Variants in CCDC34 observed in about 807,000 individuals in gnomAD.
CCDC34 encodes coiled-coil domain containing 34, also known as coiled-coil domain-containing protein 34.
CCDC34 carries 40 observed loss-of-function variants against 44.1 expected under a neutral mutation model. That is an observed-to-expected ratio of 0.91 (90% confidence interval 0.70 to 1.18). The LOEUF is 1.18. Among genes scored for constraint, CCDC34 ranks in the 50% most tolerant of loss-of-function variants. CCDC34 has a pLI of 0.00. For synonymous variants in CCDC34, 159 were observed against 158.2 expected, an observed-to-expected ratio of 1.01 and a Z score of -0.04; for missense variants, 466 against 452.3, an observed-to-expected ratio of 1.03 and a Z score of -0.28.
intron 3 of CCDC34, among the ~76,000 whole-genome samples, chr11:27,344,183 T>A (rs929822069): frequency 6.6e-6 from 1 of 152,074 alleles, no homozygotes; most frequent in Non-Finnish European, 1.5e-5. Flanking sequence ...CTTAAAAAAA[T>A]GATTTTAGAA....
intron 1 of CCDC34, among the ~76,000 whole-genome samples, chr11:27,358,206 TGTCA>T (rs1384647322): frequency 6.6e-6 from 1 of 152,158 alleles, no homozygotes; most frequent in Non-Finnish European, 1.5e-5. Flanking sequence ...CATGCACCTC[TGTCA>T]GTCTGTCTCT....
intron 2 of CCDC34, among the ~76,000 whole-genome samples, chr11:27,352,657 A>G (rs1042188049): frequency 1.3e-5 from 2 of 152,194 alleles, no homozygotes; most frequent in Non-Finnish European, 2.9e-5. Context: ...AACTAAAGAC[A>G]TGATTGACTA....
chr11:27,342,332 T>C (rs78793864), intron 3 of CCDC34, among the ~76,000 whole-genome samples: 2 of 140,256 alleles, frequency 1.4e-5, no homozygotes, highest in South Asian at 2.2e-4. Flanking sequence ...CACACACACA[T>C]TTATATATAA....
In CCDC34 at chr11:27,350,372, T is replaced by C; in HGVS notation, c.566A>G (p.Glu189Gly). 1 of 1,613,710 alleles carries C rather than the reference T, an allele frequency of 6.2e-7. No individual in the cohort carries two copies. The highest frequency in any genetic ancestry group is 8.5e-7 in the Non-Finnish European group (1 of 1,179,854). Residue 189 changes from glutamate (E) to glycine (G), a missense_variant, in exon 3 of 6, where the codon GAA becomes GGA. By Grantham distance (98) the Glu-to-Gly change is moderately conservative. Coordinates refer to ENST00000328697, the MANE Select transcript of CCDC34 (RefSeq NM_030771.2). The part of the protein sequence containing the change: ...EEREKRKIIA[E>G]EKHKEWVQKK... ...CTGAACCCATTCCTTGTGCTTTTCT[T>C]CAGCAATTATCTTTCTTTTTTCACG...
chr11:27,343,837 T>C (rs529404516), intron 3 of CCDC34, among the ~76,000 whole-genome samples: 4 of 152,300 alleles, frequency 2.6e-5, no homozygotes, highest in South Asian at 2.1e-4. Context: ...ACATGGAGGC[T>C]AATTTGCCTA....
At chr11:27,350,173 A>C in intron 3 of CCDC34, 159 bp downstream of exon 3, 1 of 1,536,322 alleles carries the variant, frequency 6.5e-7, no homozygotes, top group Non-Finnish European at 8.7e-7. Flanking sequence ...GGCAGAAGAT[A>C]GAGACTTGAT....
chr11:27,350,042 T>G (rs1862483485), intron 3 of CCDC34: 1 of 1,253,426 alleles, frequency 8.0e-7, no homozygotes, highest in African/African-American at 1.5e-5. Context: ...TTTGCAGACT[T>G]GGAGGCACTT....
rs1862491167 is a variant in CCDC34, at chr11:27,350,384, T to C, written c.554A>G (p.Lys185Arg). The C allele has an allele frequency of 6.2e-7, 1 of 1,613,336 alleles. No individual in the cohort carries two copies. Among genetic ancestry groups the C allele is most frequent in the Non-Finnish European group, 8.5e-7 (1 of 1,179,652 alleles). ...CTTGTGCTTTTCTTCAGCAATTATC[T>C]TTCTTTTTTCACGTTCTTCCATTTC... is the stretch of plus-strand genomic sequence containing the variant. ...RKEMEEREKRKIIAEEKHKEW... is the reference protein window; with the variant it reads ...RKEMEEREKRRIIAEEKHKEW... Residue 185 changes from lysine (K) to arginine (R), a missense_variant, in exon 3 of 6, where the codon AAG (lysine) becomes AGG (arginine). By Grantham distance (26) the Lys-to-Arg change is conservative. Coordinates refer to ENST00000328697, the MANE Select transcript of CCDC34 (RefSeq NM_030771.2).
intron 2 of CCDC34, among the ~76,000 whole-genome samples, chr11:27,353,318 A>G (rs897709160): frequency 6.6e-6 from 1 of 151,948 alleles, no homozygotes; most frequent in African/African-American, 2.4e-5. Context: ...GATGGTTAAA[A>G]AAAAAAAGAA....
At position 27,338,708 on chromosome 11, in the gene CCDC34, G is replaced by C. The variant is rs1862313509; in HGVS notation, c.*113C>G. 2.3e-6 allele frequency: 2 copies of C among 860,980 alleles called. No homozygotes were observed. The highest frequency in any genetic ancestry group is 3.3e-5 in the South Asian group (2 of 61,356). 53.3% of individuals were successfully genotyped at this position (860,980 alleles called of 1,614,324 possible). A position where few individuals can be genotyped will look rare whatever the true frequency, so the allele number is the denominator to read the frequency against. On this transcript the variant is annotated 3_prime_UTR_variant, in exon 6 of 6. Coordinates refer to ENST00000328697, the MANE Select transcript of CCDC34 (RefSeq NM_030771.2). ...GACTCCATATACAAATGCAAAAATT[G>C]CTATTTGTCAATAATCACATTAAGT...
intron 2 of CCDC34, among the ~76,000 whole-genome samples, chr11:27,356,231 G>A (rs1012853868): frequency 6.6e-6 from 1 of 151,534 alleles, no homozygotes; most frequent in East Asian, 1.9e-4. Context: ...GGTCAGGCTG[G>A]TCTCAAACTC....
At chr11:27,340,271 G>T (rs1862336505) in intron 5 of CCDC34, among the ~76,000 whole-genome samples, 1 of 152,166 alleles carries the variant, frequency 6.6e-6, no homozygotes, top group Non-Finnish European at 1.5e-5. Context: ...TCGGTTTTGT[G>T]TCTGGTTCAT....
In CCDC34 at chr11:27,362,890, T is replaced by G. The variant is rs1490589167; in HGVS notation, c.305A>C (p.Asp102Ala). 1 of 1,613,890 alleles carries G rather than the reference T, an allele frequency of 6.2e-7. No individual in the cohort carries two copies. Among genetic ancestry groups the G allele is most frequent in the Non-Finnish European group, 8.5e-7 (1 of 1,179,984 alleles). ...CAGGCTCGCCACTTTGGCCTCTGAATCATGGGCATCTTCATCCACGTCTTC... is the reference window on the plus strand; with the variant it reads ...CAGGCTCGCCACTTTGGCCTCTGAAGCATGGGCATCTTCATCCACGTCTTC... ...DEEDVDEDAH[D>A]SEAKVASLRG... The change falls in exon 1 of 6, where the codon GAT (aspartate) becomes GCT (alanine). Residue 102 changes from aspartate (D) to alanine (A), a missense_variant. Transcript: ENST00000328697.
intron 3 of CCDC34, among the ~76,000 whole-genome samples, chr11:27,344,323 T>C (rs1862403423): frequency 6.6e-6 from 1 of 152,042 alleles, no homozygotes; most frequent in Admixed American, 6.6e-5. Flanking sequence ...GAAAAAAACA[T>C]ATATATGTTA....
At chr11:27,351,780 C>G (rs1398420578) in intron 2 of CCDC34, among the ~76,000 whole-genome samples, 1 of 152,138 alleles carries the variant, frequency 6.6e-6, no homozygotes, top group Admixed American at 6.5e-5. Context: ...TTCCTTCCCC[C>G]TAGCCTAGTC....
chr11:27,343,956 T>C (rs368859591), intron 3 of CCDC34, among the ~76,000 whole-genome samples: 3 of 152,264 alleles, frequency 2.0e-5, no homozygotes, highest in African/African-American at 7.2e-5. Context: ...TTAAATGAAA[T>C]GTCAAAATTC....
chr11:27,350,616 G>A (rs1474245106), intron 2 of CCDC34, among the ~76,000 whole-genome samples, 177 bp from the exon 3 acceptor site: 5 of 152,276 alleles, frequency 3.3e-5, no homozygotes, highest in Admixed American at 2.0e-4. Context: ...AAAAAGCATT[G>A]GTAAAAGTAT....
rs1240457275 is a variant in CCDC34 at position 27,349,583 on chromosome 11, T to C, written c.606+749A>G. 4 of 977,346 alleles carry C rather than the reference T, an allele frequency of 4.1e-6. No homozygotes were observed. The African/African-American group carries it at 7.0e-5, about 17-fold the overall frequency. The allele number at this position is 977,346 out of a possible 1,614,324, so 60.5% of individuals were successfully genotyped here. On this transcript the variant is annotated intron_variant, in intron 3 of 5. Transcript: ENST00000328697. ...TATAATAATAAAAGCAGTACCACTCTAAATATGTAAAAATCACAACAGAAG... is the reference window on the plus strand; with the variant it reads ...TATAATAATAAAAGCAGTACCACTCCAAATATGTAAAAATCACAACAGAAG...
At chr11:27,341,231 A>C (rs1430817269) in intron 4 of CCDC34, among the ~76,000 whole-genome samples, 161 bp downstream of exon 4, 1 of 152,180 alleles carries the variant, frequency 6.6e-6, no homozygotes. Context: ...ACAAATGCAT[A>C]TTCATTTTTG....
Sources: gnomAD v4.1 joint callset for allele counts (sites outside exome capture counted in the v4.1 genomes callset) on GRCh38, gnomAD v4.1.1 for gene constraint, MANE v1.5 for transcripts, NCBI Gene and HGNC (gene_info 2026-07-23, HGNC 2026-07-21) for gene names.